The following ALMS1 variants were observed in gnomAD, a reference collection of about 807,000 sequenced individuals.
ALMS1 encodes the protein ALMS1 centrosome and basal body associated protein, also known as centrosome-associated protein ALMS1.
In ALMS1, 271 loss-of-function variants were observed where a neutral mutation model predicts 352.2. The ratio of observed to expected loss-of-function variants is 0.77; its 90% CI spans 0.70 to 0.85. The LOEUF (loss-of-function observed/expected upper bound fraction) is 0.85, where lower values mean the gene tolerates loss of function less well. ALMS1 is among the 40% of genes least tolerant of loss of function. The pLI, the probability that ALMS1 is intolerant of heterozygous loss-of-function variation, is 0.00. For synonymous variants in ALMS1, 1,865 were observed against 1,761.2 expected (o/e 1.06, Z -1.48); for missense variants, 5,445 against 4,870.7 (o/e 1.12, Z -3.51).
chr2:73,510,270 G>C (rs1410532013), intron 10 of ALMS1, among the ~76,000 whole-genome samples: 1 of 152,100 alleles, frequency 6.6e-6, no homozygotes, highest in East Asian at 1.9e-4. Context: ...TGAGAGTTGT[G>C]ATCCTTTGGA....
chr2:73,519,221 G>A (rs1316586437), intron 10 of ALMS1, among the ~76,000 whole-genome samples: 2 of 152,068 alleles, frequency 1.3e-5, no homozygotes, highest in African/African-American at 4.8e-5. Context: ...TTCTTTGGTG[G>A]GAGGTATTCA....
At chr2:73,520,130 A>T (rs1027434862) in intron 11 of ALMS1, 114 bp downstream of exon 11, 18 of 1,340,716 alleles carry the variant, frequency 1.3e-5, no homozygotes, top group Non-Finnish European at 1.9e-5. Context: ...TTTAAGAATT[A>T]GGGTCCATAT....
At chr2:73,515,447 T>G (rs1419526624) in intron 10 of ALMS1, among the ~76,000 whole-genome samples, 1 of 152,128 alleles carries the variant, frequency 6.6e-6, no homozygotes, top group East Asian at 1.9e-4. Context: ...CTGCTTCATA[T>G]GTTACATAAT....
At chr2:73,426,696 C>T in intron 6 of ALMS1, 143 bp downstream of exon 6, 1 of 826,744 alleles carries the variant, frequency 1.2e-6, no homozygotes, top group Non-Finnish European at 2.0e-6. Flanking sequence ...GTACATTGAG[C>T]TAGCAGCTTT....
At chr2:73,521,744 C>T (rs955796626) in intron 11 of ALMS1, among the ~76,000 whole-genome samples, 2 of 151,686 alleles carry the variant, frequency 1.3e-5, no homozygotes, top group African/African-American at 2.4e-5. Context: ...AGCGAGACTC[C>T]GTTTCCAAAA....
intron 11 of ALMS1, among the ~76,000 whole-genome samples, chr2:73,523,272 G>A (rs1251592910): frequency 6.6e-6 from 1 of 152,058 alleles, no homozygotes; most frequent in African/African-American, 2.4e-5. Flanking sequence ...TTATTTTTTA[G>A]GTTTAGCATA....
intron 10 of ALMS1, among the ~76,000 whole-genome samples, chr2:73,503,099 T>C (rs965904958): frequency 4.6e-5 from 7 of 152,112 alleles, no homozygotes; most frequent in African/African-American, 1.7e-4. Context: ...TTTTTTTTAT[T>C]TTTATTTTTT....
intron 9 of ALMS1, chr2:73,457,318 A>G (rs1241273946): frequency 1.3e-5 from 2 of 152,112 alleles, no homozygotes; most frequent in Admixed American, 1.3e-4. Flanking sequence ...TGCAACTTCT[A>G]CATCCCAGGT....
chr2:73,427,548 T>G (rs938014318), intron 6 of ALMS1, among the ~76,000 whole-genome samples: 3 of 152,106 alleles, frequency 2.0e-5, no homozygotes, highest in Non-Finnish European at 4.4e-5. Flanking sequence ...GCAGGTTTGT[T>G]ACATAGGTAT....
At position 73,395,040 on chromosome 2, in the gene ALMS1, GTGTGTA is replaced by G. The variant is rs796445373; in HGVS notation, c.324+8850_324+8855del. ...TGTATATATATGTGTATATATATGTGTGTGTATATATATATATGTGTATATATATAT... is the reference window on the plus strand; with the variant it reads ...TGTATATATATGTGTATATATATGTGTATATATATATGTGTATATATATAT... On this transcript the variant is annotated intron_variant, in intron 1 of 22. Transcript: ENST00000613296. Among the ~76,000 whole-genome samples the G allele has an allele frequency of 5.6e-3, 494 of 88,682 alleles. 12 individuals are homozygous for G. Among genetic ancestry groups the G allele is most frequent in the Admixed American group, 0.019 (172 of 9,108 alleles). The allele number at this position is 88,682 out of a possible 152,430, so 58.2% of individuals were successfully genotyped here. A position where few individuals can be genotyped will look rare whatever the true frequency, so the allele number is the denominator to read the frequency against.
intron 15 of ALMS1, among the ~76,000 whole-genome samples, chr2:73,560,266 T>C (rs1409256276): frequency 6.6e-6 from 1 of 152,062 alleles, no homozygotes; most frequent in Non-Finnish European, 1.5e-5. Flanking sequence ...ATAGAAGATA[T>C]ACAAATGCCA....
chr2:73,569,255 G>A (rs1239496480), intron 15 of ALMS1, among the ~76,000 whole-genome samples: 2 of 151,680 alleles, frequency 1.3e-5, no homozygotes, highest in East Asian at 3.9e-4. Flanking sequence ...CCTCAAGTAA[G>A]CCACCCCCAT....
At chr2:73,489,150 A>G (rs1404614093) in intron 9 of ALMS1, among the ~76,000 whole-genome samples, 2 of 152,144 alleles carry the variant, frequency 1.3e-5, no homozygotes, top group Non-Finnish European at 2.9e-5. Context: ...TGGTGGTGAT[A>G]TTGGGGGAAC....
chr2:73,512,295 G>A (rs1673468815), intron 10 of ALMS1, among the ~76,000 whole-genome samples: 1 of 152,088 alleles, frequency 6.6e-6, no homozygotes, highest in Non-Finnish European at 1.5e-5. Context: ...ATATTGGTGA[G>A]GCTGGTCTTG....
intron 15 of ALMS1, among the ~76,000 whole-genome samples, chr2:73,565,421 G>A (rs573646558): frequency 6.6e-6 from 1 of 152,270 alleles, no homozygotes; most frequent in Admixed American, 6.5e-5. Context: ...ATACCTATGA[G>A]TCTGTACTGA....
At chr2:73,504,870 T>C (rs1052212317) in intron 10 of ALMS1, among the ~76,000 whole-genome samples, 1 of 152,168 alleles carries the variant, frequency 6.6e-6, no homozygotes, top group African/African-American at 2.4e-5. Context: ...CCTAATGTTA[T>C]CTCTCCCCTT....
intron 22 of ALMS1, 44 bp from the exon 23 acceptor site, chr2:73,609,524 G>A (rs1675894356): frequency 1.9e-6 from 3 of 1,597,194 alleles, no homozygotes; most frequent in Non-Finnish European, 2.6e-6. Context: ...GCCTCTGATG[G>A]CAGTAATATC....
chr2:73,506,785 C>G (rs766721016), intron 10 of ALMS1, among the ~76,000 whole-genome samples: 18 of 152,064 alleles, frequency 1.2e-4, no homozygotes, highest in Non-Finnish European at 2.4e-4. Flanking sequence ...TTCCCTTGCC[C>G]GATTGCCCTG....
chr2:73,469,063 A>G lies in ALMS1; in HGVS notation c.7674+13768A>G, dbSNP rs577719361. 2.9e-4 allele frequency among the ~76,000 whole-genome samples: 44 copies of G among 152,068 alleles called. No individual in the cohort carries two copies. In the South Asian group the frequency reaches 8.3e-3, roughly 29 times the overall value. On this transcript the variant is annotated intron_variant, in intron 9 of 22. Transcript: ENST00000613296. ...AGATCCACACTGTACCCAATGATTT[A>G]CTGACTTCTCTCGGCAGAATACTGT...
Sources: gnomAD v4.1 joint callset for allele counts (sites outside exome capture counted in the v4.1 genomes callset) on GRCh38, gnomAD v4.1.1 for gene constraint, MANE v1.5 for transcripts, NCBI Gene and HGNC (gene_info 2026-07-23, HGNC 2026-07-21) for gene names.